LRFN5: variants seen among roughly 807,000 people sequenced by gnomAD.
LRFN5 encodes leucine-rich repeat and fibronectin type-III domain-containing protein 5.
LRFN5 carries 24 observed loss-of-function variants against 45.6 expected under a neutral mutation model. The ratio of observed to expected loss-of-function variants is 0.53; its 90% CI spans 0.38 to 0.74. The LOEUF (loss-of-function observed/expected upper bound fraction) is 0.74, where lower values mean the gene tolerates loss of function less well. Ranked by LOEUF, LRFN5 falls within the 30% of genes least tolerant of loss-of-function variation. LRFN5 has a pLI of 0.00. For synonymous variants in LRFN5, 340 were observed against 313.8 expected, an observed-to-expected ratio of 1.08 and a Z score of -0.88; for missense variants, 776 against 861.5, an observed-to-expected ratio of 0.90 and a Z score of 1.24.
At chr14:41,744,010 T>G (rs918350265) in intron 1 of LRFN5, among the ~76,000 whole-genome samples, 1 of 152,028 alleles carries the variant, frequency 6.6e-6, no homozygotes, top group African/African-American at 2.4e-5. Flanking sequence ...GATGTTAAAT[T>G]CAATCATTTG....
chr14:41,878,788 A>G (rs1404384366), intron 2 of LRFN5, among the ~76,000 whole-genome samples: 1 of 152,086 alleles, frequency 6.6e-6, no homozygotes, highest in Non-Finnish European at 1.5e-5. Flanking sequence ...ATATTTATGA[A>G]TTTTTAAATT....
chr14:41,724,172 T>C (rs1166924499), intron 1 of LRFN5, among the ~76,000 whole-genome samples: 1 of 152,184 alleles, frequency 6.6e-6, no homozygotes, highest in African/African-American at 2.4e-5. Flanking sequence ...AGATCTGGAG[T>C]GTCCTTCATG....
rs190078663 is a variant in LRFN5 at position 41,785,081 on chromosome 14, T to A, written c.-21+18052T>A. On this transcript the variant is annotated intron_variant, in intron 2 of 5. Transcript: ENST00000298119. ...ATAATATGAAAATAGCCACTCTAGC[T>A]TTTTTTTGGAGTGGTGTTTGAATAA... Among the ~76,000 whole-genome samples, 567 of 149,582 alleles carry A rather than the reference T, an allele frequency of 3.8e-3. 4 individuals are homozygous for A. The highest frequency in any genetic ancestry group is 6.3e-3 in the Non-Finnish European group (427 of 67,906).
At chr14:41,674,594 G>C (rs1163089272) in intron 1 of LRFN5, among the ~76,000 whole-genome samples, 1 of 147,342 alleles carries the variant, frequency 6.8e-6, no homozygotes, top group Non-Finnish European at 1.5e-5. Flanking sequence ...CGGCTGGCCG[G>C]GCAGGGGGCT....
intron 2 of LRFN5, among the ~76,000 whole-genome samples, chr14:41,795,423 C>T (rs1017853481): frequency 6.6e-6 from 1 of 152,092 alleles, no homozygotes; most frequent in Non-Finnish European, 1.5e-5. Context: ...GATCCCATTA[C>T]TGGGTATATA....
At chr14:41,666,851 A>C (rs755187946) in intron 1 of LRFN5, among the ~76,000 whole-genome samples, 3 of 152,160 alleles carry the variant, frequency 2.0e-5, no homozygotes, top group African/African-American at 7.2e-5. Context: ...TGCAACAGTG[A>C]TAGTTAACCT....
At chr14:41,794,207 A>G (rs1472404199) in intron 2 of LRFN5, among the ~76,000 whole-genome samples, 1 of 152,048 alleles carries the variant, frequency 6.6e-6, no homozygotes, top group Non-Finnish European at 1.5e-5. Context: ...ACTATATGTC[A>G]TCCATACCCC....
chr14:41,607,471 C>G lies in LRFN5; in HGVS notation c.-1288C>G, dbSNP rs1887535268. The stretch of plus-strand genomic sequence containing the variant: ...AGATCCTGGATGTTGGCTACCTTTT[C>G]AAGTCATCTTGGCATGTCTCTAGTG... On this transcript the variant is annotated 5_prime_UTR_variant, in exon 1 of 6. An upstream open reading frame in the 5' UTR gains an earlier in-frame stop. Coordinates refer to ENST00000298119, the MANE Select transcript of LRFN5 (RefSeq NM_152447.5). 1 of 152,268 alleles carries G rather than the reference C, an allele frequency of 6.6e-6. No individual in the cohort carries two copies. The allele number at this position is 152,268 out of a possible 1,614,324, so 9.4% of individuals were successfully genotyped here.
At chr14:41,668,387 A>C (rs188415445) in intron 1 of LRFN5, among the ~76,000 whole-genome samples, 1 of 152,070 alleles carries the variant, frequency 6.6e-6, no homozygotes, top group Non-Finnish European at 1.5e-5. Flanking sequence ...TGCTTTCAAT[A>C]CTCAATTTTT....
rs746859291 is a variant in LRFN5, at chr14:41,891,734, A to T, written c.1870A>T (p.Thr624Ser). 55 of 1,614,066 alleles carry T rather than the reference A, an allele frequency of 3.4e-5. No individual in the cohort carries two copies. The highest frequency in any genetic ancestry group is 4.3e-5 in the Non-Finnish European group (51 of 1,180,044). ...AACTTGTTCGAGTCAGGACTCCTCT[A>T]CCACTACCTCTGCTTTGCCTCCTTC... is the stretch of plus-strand genomic sequence containing the variant. ...SETCSSQDSS[T>S]TTSALPPSWT... Residue 624 changes from threonine (T) to serine (S), a missense_variant, in exon 4 of 6, where the codon ACC becomes TCC. Around this residue, in one of 2 missense-constraint regions of LRFN5, gnomAD observed 465 missense variants for 456.4 expected, o/e 1.02. Coordinates refer to ENST00000298119, the MANE Select transcript of LRFN5 (RefSeq NM_152447.5).
At chr14:41,781,584 GAAAGAAAGAAAGAAAGAAA>G (rs1886499867) in intron 2 of LRFN5, among the ~76,000 whole-genome samples, 1 of 117,360 alleles carries the variant, frequency 8.5e-6, no homozygotes, top group Non-Finnish European at 1.8e-5. Context: ...AAGAAAGAAA[GAAAGAAAGAAAGAAAGAAA>G]GAAAGAAAGA....
In LRFN5 at chr14:41,606,937, C is replaced by A. The variant is rs1296882702; in HGVS notation, c.-1822C>A. On this transcript the variant is annotated 5_prime_UTR_variant, in exon 1 of 6. Transcript: ENST00000298119. ...CAGTTCCACGCGGCCAGGAGGCCGC[C>A]GTTGCCCACACGCGACGCTTTGGGA... Among the ~76,000 whole-genome samples, 1 of 151,962 alleles carries A rather than the reference C, an allele frequency of 6.6e-6. No individual in the cohort carries two copies.
intron 2 of LRFN5, among the ~76,000 whole-genome samples, chr14:41,783,495 A>G (rs1345797025): frequency 6.6e-6 from 1 of 152,120 alleles, no homozygotes; most frequent in Non-Finnish European, 1.5e-5. Context: ...GAATGACAGC[A>G]TCCAAGTTTT....
intron 2 of LRFN5, among the ~76,000 whole-genome samples, chr14:41,822,192 C>T (rs1417500534): frequency 3.3e-5 from 5 of 151,578 alleles, no homozygotes; most frequent in East Asian, 3.9e-4. Context: ...TCTTTTCTTC[C>T]GCAAATTTTG....
chr14:41,667,897 G>T (rs1199939352), intron 1 of LRFN5, among the ~76,000 whole-genome samples: 1 of 152,132 alleles, frequency 6.6e-6, no homozygotes, highest in East Asian at 1.9e-4. Context: ...GTATTTTTCA[G>T]TGTGCAATGG....
At chr14:41,844,881 T>C (rs1392583618) in intron 2 of LRFN5, among the ~76,000 whole-genome samples, 1 of 152,142 alleles carries the variant, frequency 6.6e-6, no homozygotes, top group Non-Finnish European at 1.5e-5. Context: ...ATTAGAAATA[T>C]ATCAGATATA....
chr14:41,803,090 A>G (rs1406288084), intron 2 of LRFN5, among the ~76,000 whole-genome samples: 2 of 152,194 alleles, frequency 1.3e-5, no homozygotes, highest in African/African-American at 2.4e-5. Flanking sequence ...AAAATAGAGT[A>G]CTATAAAGAT....
At chr14:41,757,698 C>T (rs776935001) in intron 1 of LRFN5, among the ~76,000 whole-genome samples, 22 of 152,188 alleles carry the variant, frequency 1.4e-4, no homozygotes, top group Non-Finnish European at 2.5e-4. Context: ...TGACCCCTTG[C>T]GCTTGCCAGG....
In LRFN5 at chr14:41,672,460, G is replaced by A. The variant is rs114811262; in HGVS notation, c.-197+63898G>A. 5.7e-3 allele frequency among the ~76,000 whole-genome samples: 867 copies of A among 151,964 alleles called. 8 individuals carry two copies. The highest frequency in any genetic ancestry group is 0.02 in the African/African-American group (837 of 41,432). Reference sequence around the variant, plus strand: ...GGCATTGGACTGAAAATTATACTTAGCTTTTAATCAAATACTTCTTAGGAG... The same window carrying A: ...GGCATTGGACTGAAAATTATACTTAACTTTTAATCAAATACTTCTTAGGAG... On this transcript the variant is annotated intron_variant, in intron 1 of 5. Coordinates refer to ENST00000298119, the MANE Select transcript of LRFN5 (RefSeq NM_152447.5).
Sources: allele counts gnomAD v4.1 joint callset (sites outside exome capture counted in the v4.1 genomes callset), GRCh38; gene constraint gnomAD v4.1.1; regional missense constraint gnomAD v4.1.1; transcripts MANE v1.5; gene names NCBI Gene and HGNC (gene_info 2026-07-23, HGNC 2026-07-21).